RGS20: variants seen among roughly 807,000 people sequenced by gnomAD.
RGS20 encodes the protein regulator of G protein signaling 20.
In RGS20, 30 loss-of-function variants were observed where a neutral mutation model predicts 33.6. The observed-to-expected ratio is 0.89, with a 90% CI of 0.67 to 1.21. The LOEUF is 1.21. Ranked by LOEUF, RGS20 falls within the 50% of genes most tolerant of loss-of-function variation. The pLI is 0.00. For synonymous variants in RGS20, 208 were observed against 197.9 expected (o/e 1.05, Z -0.43); for missense variants, 472 against 502.4 (o/e 0.94, Z 0.58).
chr8:53,917,132 G>T (rs1813511198), intron 2 of RGS20, among the ~76,000 whole-genome samples: 2 of 151,352 alleles, frequency 1.3e-5, no homozygotes, highest in Admixed American at 6.6e-5. Flanking sequence ...CTTTTTGTTT[G>T]GTTGGTTTTT....
At chr8:53,941,035 A>G (rs1814277161) in intron 3 of RGS20, among the ~76,000 whole-genome samples, 1 of 152,174 alleles carries the variant, frequency 6.6e-6, no homozygotes, top group African/African-American at 2.4e-5. Flanking sequence ...CTGACGTTCA[A>G]ACCTTCCGCT....
chr8:53,928,684 G>A (rs1365248143), intron 2 of RGS20, among the ~76,000 whole-genome samples: 6 of 152,024 alleles, frequency 3.9e-5, no homozygotes, highest in African/African-American at 7.2e-5. Context: ...TTAGCCGGGC[G>A]TGGTGGTGCA....
chr8:53,853,599 T>G (rs1032392284), intron 1 of RGS20, among the ~76,000 whole-genome samples: 2 of 152,218 alleles, frequency 1.3e-5, no homozygotes, highest in Non-Finnish European at 2.9e-5. Context: ...AGAGGAGACA[T>G]GTGCCTCATC....
intron 2 of RGS20, among the ~76,000 whole-genome samples, chr8:53,915,768 T>A (rs1423414102): frequency 6.6e-6 from 1 of 152,190 alleles, no homozygotes; most frequent in East Asian, 1.9e-4. Flanking sequence ...TCTTTCTTTT[T>A]TAAAAATGTG....
At chr8:53,890,647 T>G (rs148674979) in intron 2 of RGS20, among the ~76,000 whole-genome samples, 1 of 152,152 alleles carries the variant, frequency 6.6e-6, no homozygotes, top group South Asian at 2.1e-4. Flanking sequence ...TTGGGGGTTT[T>G]TTTGTTTTGA....
chr8:53,936,666 C>G (rs1206518283), intron 2 of RGS20, among the ~76,000 whole-genome samples: 1 of 152,146 alleles, frequency 6.6e-6, no homozygotes, highest in Non-Finnish European at 1.5e-5. Flanking sequence ...TGAAAATGGC[C>G]ATACTGCCCA....
intron 2 of RGS20, chr8:53,914,787 A>G (rs1201920275): frequency 6.6e-6 from 1 of 152,216 alleles, no homozygotes; most frequent in Non-Finnish European, 1.5e-5. Flanking sequence ...CCCCTGCGCG[A>G]GGATGACATG....
rs145801475 is a variant in RGS20 at position 53,861,114 on chromosome 8, C to T, written c.165+9050C>T. Among the ~76,000 whole-genome samples, 43 of 152,316 alleles carry T rather than the reference C, an allele frequency of 2.8e-4. No homozygotes were observed. The East Asian group carries it at 8.1e-3, about 29-fold the overall frequency. On this transcript the variant is annotated intron_variant, in intron 1 of 5. Transcript: ENST00000297313. ...CAACGATGACACCTGAAGTAGACAG[C>T]CCTGATTTAGATATTTGAGGCCTGG...
At chr8:53,870,475 C>A (rs543932178) in intron 1 of RGS20, among the ~76,000 whole-genome samples, 1 of 152,186 alleles carries the variant, frequency 6.6e-6, no homozygotes, top group African/African-American at 2.4e-5. Context: ...GCATCATTAT[C>A]GTATGGAATA....
chr8:53,947,086 A>G (rs1814505312), intron 4 of RGS20, among the ~76,000 whole-genome samples: 2 of 147,210 alleles, frequency 1.4e-5, no homozygotes, highest in Non-Finnish European at 3.0e-5. Flanking sequence ...TATAGCATAT[A>G]TATTTATATA....
At chr8:53,944,928 C>T (rs985029716) in intron 3 of RGS20, among the ~76,000 whole-genome samples, 1 of 152,176 alleles carries the variant, frequency 6.6e-6, no homozygotes, top group Admixed American at 6.5e-5. Flanking sequence ...CACTTCTCAC[C>T]CACTTATGAA....
intron 1 of RGS20, among the ~76,000 whole-genome samples, chr8:53,863,933 T>TTAGTAG (rs1285707402): frequency 6.6e-5 from 10 of 151,956 alleles, no homozygotes; most frequent in Non-Finnish European, 1.3e-4. Context: ...TTCACCATGT[T>TTAGTAG]AGCCAGGATG....
In RGS20 at chr8:53,881,183, G is replaced by T. The variant is rs542374591; in HGVS notation, c.510+1581G>T. 17 of 882,718 alleles carry T rather than the reference G, an allele frequency of 1.9e-5. No individual in the cohort carries two copies. In the African/African-American group the frequency reaches 2.4e-4, roughly 12 times the overall value. 54.7% of individuals were successfully genotyped at this position (882,718 alleles called of 1,614,324 possible). A position where few individuals can be genotyped will look rare whatever the true frequency, so the allele number is the denominator to read the frequency against. Reference sequence around the variant, plus strand: ...CGAGGCTGGGAGGGGCGCGCCGCTCGTCCGGACCTCAGGGTGTCGCCGTTG... The same window carrying T: ...CGAGGCTGGGAGGGGCGCGCCGCTCTTCCGGACCTCAGGGTGTCGCCGTTG... On this transcript the variant is annotated intron_variant, in intron 2 of 5. Transcript: ENST00000297313.
intron 2 of RGS20, chr8:53,914,849 T>TA (rs1813443003): frequency 6.6e-6 from 1 of 152,088 alleles, no homozygotes; most frequent in South Asian, 2.1e-4. Context: ...AAAATTTTTT[T>TA]AATGTTTAGT....
chr8:53,936,853 TGTTGTAGTAACCAA>T (rs1193560583), intron 2 of RGS20, among the ~76,000 whole-genome samples: 1 of 152,154 alleles, frequency 6.6e-6, no homozygotes, highest in Non-Finnish European at 1.5e-5. Flanking sequence ...TATACTACAA[TGTTGTAGTAACCAA>T]AACAGCATGG....
At chr8:53,922,250 T>C (rs1368530455) in intron 2 of RGS20, among the ~76,000 whole-genome samples, 1 of 152,230 alleles carries the variant, frequency 6.6e-6, no homozygotes, top group Non-Finnish European at 1.5e-5. Flanking sequence ...TTTATCATTA[T>C]AAAATGTCCC....
chr8:53,926,777 T>G (rs989002098), intron 2 of RGS20, among the ~76,000 whole-genome samples: 1 of 151,490 alleles, frequency 6.6e-6, no homozygotes, highest in African/African-American at 2.4e-5. Context: ...CCAGGTGTGG[T>G]GGTGGGCGCC....
rs1385892205 is a variant in RGS20 at position 53,889,431 on chromosome 8, T to C, written c.510+9829T>C. ...CTCTCTCTTTTTTTTTTTTTTTTTT[T>C]TTTTTTTTTTTTTTTTTTTTGAGAC... On this transcript the variant is annotated intron_variant, in intron 2 of 5. Coordinates refer to ENST00000297313, the MANE Select transcript of RGS20 (RefSeq NM_170587.4). Among the ~76,000 whole-genome samples, 916 of 119,350 alleles carry C rather than the reference T, an allele frequency of 7.7e-3. 50 individuals are homozygous for C. The highest frequency in any genetic ancestry group is 0.027 in the African/African-American group (847 of 31,762). The allele number at this position is 119,350 out of a possible 152,430, so 78.3% of individuals were successfully genotyped here.
intron 1 of RGS20, among the ~76,000 whole-genome samples, chr8:53,865,489 C>G (rs1472651115): frequency 6.6e-6 from 1 of 152,182 alleles, no homozygotes; most frequent in Non-Finnish European, 1.5e-5. Context: ...TGCCCATTAC[C>G]CAGCTTCAAC....
Sources: gnomAD v4.1 joint callset for allele counts (sites outside exome capture counted in the v4.1 genomes callset) on GRCh38, gnomAD v4.1.1 for gene constraint, MANE v1.5 for transcripts, NCBI Gene and HGNC (gene_info 2026-07-23, HGNC 2026-07-21) for gene names.